ZNF148: variants seen among roughly 807,000 people sequenced by gnomAD.
The protein encoded by ZNF148 is zinc finger protein 148, also known as Beta-Enolase Repressor Factor-1.
Under a neutral mutation model 67.7 loss-of-function variants are expected in ZNF148, and 7 were observed. That is an observed-to-expected ratio of 0.10 (90% CI 0.06 to 0.19). ZNF148 has a LOEUF of 0.19. ZNF148 is among the 10% of genes least tolerant of loss of function. ZNF148 has a pLI of 1.00. For missense variants in ZNF148, 583 were observed against 947.1 expected (o/e 0.62, Z 5.05); for synonymous variants, 333 against 330.7 (o/e 1.01, Z -0.08).
In ZNF148 at chr3:125,320,625, T is replaced by C. The variant is rs1940728167; in HGVS notation, c.-17+2684A>G. ...AACCTAATCATCATCGTCTTTTGTA[T>C]AAAAAGAGTAATTCCCAACTTAAAA... On this transcript the variant is annotated intron_variant, in intron 3 of 8. Transcript: ENST00000360647. Among the ~76,000 whole-genome samples, 6 of 152,310 alleles carry C rather than the reference T, an allele frequency of 3.9e-5. No individual in the cohort carries two copies. The South Asian group carries it at 1.0e-3, about 26-fold the overall frequency.
intron 3 of ZNF148, among the ~76,000 whole-genome samples, chr3:125,316,870 T>C (rs184651619): frequency 2.6e-4 from 40 of 152,266 alleles, no homozygotes; most frequent in Admixed American, 2.5e-3. Flanking sequence ...TTTTTTAAAT[T>C]AATCTTATGC....
intron 1 of ZNF148, among the ~76,000 whole-genome samples, chr3:125,339,490 T>C (rs1324797383): frequency 6.6e-6 from 1 of 152,206 alleles, no homozygotes; most frequent in Non-Finnish European, 1.5e-5. Context: ...AAAATTCTGT[T>C]TATGTGTAGA....
At position 125,230,689 on chromosome 3, in the gene ZNF148, C is replaced by A. The variant is rs1935820614; in HGVS notation, c.*1652G>T. 1 of 152,186 alleles carries A rather than the reference C, an allele frequency of 6.6e-6. No homozygotes were observed. The highest frequency in any genetic ancestry group is 6.6e-5 in the Admixed American group (1 of 15,230). The allele number at this position is 152,186 out of a possible 1,614,324, so 9.4% of individuals were successfully genotyped here. On this transcript the variant is annotated 3_prime_UTR_variant, in exon 9 of 9. Coordinates refer to ENST00000360647, the MANE Select transcript of ZNF148 (RefSeq NM_021964.3). ...ATATTCTATATTGAAACAAAGACTG[C>A]AGAGCTATAGGGCCAGTATAAGAGT...
At chr3:125,318,780 C>G (rs186189665) in intron 3 of ZNF148, among the ~76,000 whole-genome samples, 83 of 152,174 alleles carry the variant, frequency 5.5e-4, no homozygotes, top group Non-Finnish European at 1.1e-3. Flanking sequence ...ATGATGAAAA[C>G]TACAACGGAG....
chr3:125,277,366 T>C (rs932281194), intron 7 of ZNF148, among the ~76,000 whole-genome samples: 3 of 152,172 alleles, frequency 2.0e-5, no homozygotes, highest in Non-Finnish European at 2.9e-5. Context: ...AGAGAATGAA[T>C]TGTACTGCTG....
chr3:125,306,867 C>T (rs751411618), intron 4 of ZNF148, among the ~76,000 whole-genome samples: 5 of 151,852 alleles, frequency 3.3e-5, no homozygotes, highest in Non-Finnish European at 7.4e-5. Flanking sequence ...ACCTTGTCTC[C>T]AAAGAACAAC....
chr3:125,363,463 T>C (rs1040399693), intron 1 of ZNF148, among the ~76,000 whole-genome samples: 2 of 152,236 alleles, frequency 1.3e-5, no homozygotes, highest in Non-Finnish European at 2.9e-5. Context: ...TAATTTCTAC[T>C]AATGGCACCA....
intron 1 of ZNF148, among the ~76,000 whole-genome samples, chr3:125,361,099 C>T (rs761489041): frequency 2.6e-5 from 4 of 152,092 alleles, no homozygotes; most frequent in East Asian, 3.9e-4. Flanking sequence ...TCTCAATTCC[C>T]GTGGCTCAAT....
chr3:125,354,415 T>A (rs546508463), intron 1 of ZNF148, among the ~76,000 whole-genome samples: 1 of 152,310 alleles, frequency 6.6e-6, no homozygotes, highest in South Asian at 2.1e-4. Flanking sequence ...CCCAATTCTT[T>A]AAAAAATTAA....
chr3:125,252,248 T>C (rs1936870559), intron 7 of ZNF148, among the ~76,000 whole-genome samples: 2 of 152,138 alleles, frequency 1.3e-5, no homozygotes, highest in Admixed American at 1.3e-4. Flanking sequence ...TGACCCAAAA[T>C]ACCAATTTTT....
At chr3:125,252,222 G>A (rs552003847) in intron 7 of ZNF148, among the ~76,000 whole-genome samples, 45 of 151,856 alleles carry the variant, frequency 3.0e-4, no homozygotes, top group African/African-American at 1.0e-3. Flanking sequence ...ATGAACAAAA[G>A]GTCTTAACAA....
intron 1 of ZNF148, among the ~76,000 whole-genome samples, chr3:125,345,611 A>C (rs1273320533): frequency 1.3e-5 from 2 of 152,030 alleles, no homozygotes; most frequent in Non-Finnish European, 2.9e-5. Context: ...AAAAAAGACA[A>C]ACAGAAGACA....
chr3:125,277,236 T>C (rs571125901), intron 7 of ZNF148, among the ~76,000 whole-genome samples: 52 of 152,214 alleles, frequency 3.4e-4, no homozygotes, highest in Non-Finnish European at 3.1e-4. Context: ...TGTTCCTTTA[T>C]AGTAATCCTC....
chr3:125,290,306 T>C (rs1488460766), intron 4 of ZNF148, among the ~76,000 whole-genome samples: 1 of 152,174 alleles, frequency 6.6e-6, no homozygotes, highest in Non-Finnish European at 1.5e-5. Flanking sequence ...ATGCCGGTTC[T>C]TTCTTGCAAG....
intron 7 of ZNF148, among the ~76,000 whole-genome samples, chr3:125,272,584 T>G (rs961572531): frequency 1.3e-5 from 2 of 152,084 alleles, no homozygotes; most frequent in Admixed American, 6.5e-5. Flanking sequence ...CAAAAAAAAT[T>G]TAAGTATGGT....
intron 2 of ZNF148, among the ~76,000 whole-genome samples, chr3:125,326,328 TA>T (rs1207199424): frequency 6.6e-6 from 1 of 152,160 alleles, no homozygotes; most frequent in Non-Finnish European, 1.5e-5. Flanking sequence ...GACACTGTAC[TA>T]CTGGGTTTAT....
chr3:125,346,534 G>A (rs1941950416), intron 1 of ZNF148, among the ~76,000 whole-genome samples: 2 of 152,082 alleles, frequency 1.3e-5, no homozygotes, highest in East Asian at 1.9e-4. Context: ...CACATATCAA[G>A]ACAGGGACCT....
Position 125,344,268 on chromosome 3 carries a change from C to T in ZNF148, c.-233-13030G>A, listed in dbSNP as rs767807909. On this transcript the variant is annotated intron_variant, in intron 1 of 8. Coordinates refer to ENST00000360647, the MANE Select transcript of ZNF148 (RefSeq NM_021964.3). ...AAGTGCCCATCCCACTACCACCAAA[C>T]GACACGAAAGAGAATGAAGTGAAGC... 1.6e-4 allele frequency: 64 copies of T among 401,330 alleles called. 1 individual carries two copies. The highest frequency in any genetic ancestry group is 7.6e-4 in the African/African-American group (37 of 48,412). 24.9% of individuals were successfully genotyped at this position (401,330 alleles called of 1,614,324 possible). A position where few individuals can be genotyped will look rare whatever the true frequency, so the allele number is the denominator to read the frequency against.
At chr3:125,256,160 G>A (rs564595142) in intron 7 of ZNF148, among the ~76,000 whole-genome samples, 7 of 150,730 alleles carry the variant, frequency 4.6e-5, no homozygotes, top group African/African-American at 1.7e-4. Context: ...TCAGGAGATC[G>A]AGCCCATCCT....
Sources: gnomAD v4.1 joint callset for allele counts (sites outside exome capture counted in the v4.1 genomes callset) on GRCh38, gnomAD v4.1.1 for gene constraint, MANE v1.5 for transcripts, NCBI Gene and HGNC (gene_info 2026-07-23, HGNC 2026-07-21) for gene names.